Variants in DNMT3B observed in about 807,000 individuals in gnomAD.
The protein encoded by DNMT3B is DNA (cytosine-5)-methyltransferase 3B.
In DNMT3B, 37 loss-of-function variants were observed where a neutral mutation model predicts 120.2. That is an observed-to-expected ratio of 0.31 (90% CI 0.24 to 0.40). The LOEUF is 0.40. Among genes scored for constraint, DNMT3B ranks in the 10% least tolerant of loss-of-function variants. DNMT3B has a pLI of 1.00. For synonymous variants in DNMT3B, 412 were observed against 442.8 expected (o/e 0.93, Z 0.87); for missense variants, 878 against 1,137.3 (o/e 0.77, Z 3.28).
chr20:32,780,902 C>G (rs1360828184), intron 2 of DNMT3B, among the ~76,000 whole-genome samples: 2 of 152,222 alleles, frequency 1.3e-5, no homozygotes, highest in East Asian at 3.8e-4. Context: ...GGTTGGAAAG[C>G]CCTGCATTGT....
chr20:32,777,832 T>A (rs1988142553), intron 1 of DNMT3B, among the ~76,000 whole-genome samples: 1 of 152,206 alleles, frequency 6.6e-6, no homozygotes, highest in African/African-American at 2.4e-5. Flanking sequence ...GAAAAAGGGC[T>A]GAGAAGCAGC....
Position 32,778,942 on chromosome 20 carries a change from A to AGATGGATG in DNMT3B, c.-6-1345_-6-1338dup, listed in dbSNP as rs3080493. ...CCAAGTGAGACCCTGTCTCTAAGAT[A>AGATGGATG]GATGGATGGATGGATGGATGGATGG... On this transcript the variant is annotated intron_variant, in intron 1 of 22. Transcript: ENST00000328111. Among the ~76,000 whole-genome samples the AGATGGATG allele has an allele frequency of 3.5e-3, 526 of 150,532 alleles. 1 individual carries two copies. Among genetic ancestry groups the AGATGGATG allele is most frequent in the Middle Eastern group, 6.9e-3 (2 of 290 alleles).
At position 32,806,191 on chromosome 20, in the gene DNMT3B, T is replaced by G; in HGVS notation, c.2302-18T>G. 1 of 1,611,370 alleles carries G rather than the reference T, an allele frequency of 6.2e-7. No homozygotes were observed. Among genetic ancestry groups the G allele is most frequent in the Non-Finnish European group, 8.5e-7 (1 of 1,177,448 alleles). ...CCTTCATTCTGTGCTCACTCCATGATGTCATTTTGTTCTCCAGTTAAAGAA... is the reference window on the plus strand; with the variant it reads ...CCTTCATTCTGTGCTCACTCCATGAGGTCATTTTGTTCTCCAGTTAAAGAA... On this transcript the variant is annotated intron_variant, in intron 21 of 22. Coordinates refer to ENST00000328111, the MANE Select transcript of DNMT3B (RefSeq NM_006892.4).
chr20:32,765,950 G>A lies in DNMT3B; in HGVS notation c.-7+3251G>A, dbSNP rs553589612. On this transcript the variant is annotated intron_variant, in intron 1 of 22. Transcript: ENST00000328111. ...TTTTTTGTATTTTTAGTAGAGACGGGGTTTCACCGTGTTCGCCAGGATGGT... is the reference window on the plus strand; with the variant it reads ...TTTTTTGTATTTTTAGTAGAGACGGAGTTTCACCGTGTTCGCCAGGATGGT... Among the ~76,000 whole-genome samples the A allele has an allele frequency of 4.6e-3, 696 of 151,516 alleles. 8 individuals carry two copies. Among genetic ancestry groups the A allele is most frequent in the African/African-American group, 0.015 (606 of 41,306 alleles).
chr20:32,790,953 C>T (rs1568844467), intron 7 of DNMT3B, among the ~76,000 whole-genome samples: 1 of 152,188 alleles, frequency 6.6e-6, no homozygotes, highest in Non-Finnish European at 1.5e-5. Context: ...TGAGCCACTA[C>T]GTCTGGCCTT....
chr20:32,778,670 G>A (rs769906591), intron 1 of DNMT3B, among the ~76,000 whole-genome samples: 8 of 152,244 alleles, frequency 5.3e-5, no homozygotes, highest in Admixed American at 1.3e-4. Flanking sequence ...CGCCAGTGCA[G>A]CTTGGAGCCC....
intron 7 of DNMT3B, among the ~76,000 whole-genome samples, chr20:32,789,568 T>C (rs1418112854): frequency 6.6e-6 from 1 of 152,174 alleles, no homozygotes; most frequent in Non-Finnish European, 1.5e-5. Flanking sequence ...CTAGGCTGTT[T>C]TGATTCTTAC....
chr20:32,786,829 ACT>A (rs1199008083), intron 5 of DNMT3B, among the ~76,000 whole-genome samples: 5 of 152,104 alleles, frequency 3.3e-5, no homozygotes, highest in Admixed American at 6.5e-5. Context: ...CTCAGATGAC[ACT>A]CTGTTGGGAA....
chr20:32,807,939 C>A lies in DNMT3B; in HGVS notation c.*36C>A, dbSNP rs1327237864. 1 of 1,613,950 alleles carries A rather than the reference C, an allele frequency of 6.2e-7. No individual in the cohort carries two copies. Among genetic ancestry groups the A allele is most frequent in the East Asian group, 2.2e-5 (1 of 44,878 alleles). On this transcript the variant is annotated 3_prime_UTR_variant, in exon 23 of 23. Coordinates refer to ENST00000328111, the MANE Select transcript of DNMT3B (RefSeq NM_006892.4). ...GCCCCAAGCCCACTGGGGTGTGTGG[C>A]AGAGCCAGGACCCAGGAGGTGTGAT...
chr20:32,783,712 C>A (rs962268174), intron 3 of DNMT3B, among the ~76,000 whole-genome samples: 1 of 151,910 alleles, frequency 6.6e-6, no homozygotes, highest in East Asian at 1.9e-4. Flanking sequence ...CTCTTGCCCA[C>A]ACGTTTCTTT....
intron 18 of DNMT3B, 47 bp downstream of exon 18, chr20:32,800,972 G>C: frequency 6.2e-7 from 1 of 1,605,610 alleles, no homozygotes; most frequent in Non-Finnish European, 8.5e-7. Context: ...TATGTCACCT[G>C]ACCACTGGCC....
intron 7 of DNMT3B, among the ~76,000 whole-genome samples, chr20:32,791,198 A>G (rs1979933675): frequency 1.3e-5 from 2 of 152,224 alleles, no homozygotes; most frequent in African/African-American, 4.8e-5. Context: ...AACAATTATC[A>G]TGCTTAGGAA....
chr20:32,806,664 G>A (rs1601142836), intron 22 of DNMT3B, among the ~76,000 whole-genome samples: 1 of 152,202 alleles, frequency 6.6e-6, no homozygotes, highest in Non-Finnish European at 1.5e-5. Flanking sequence ...CATTCTTGAA[G>A]ACTTCAGTTT....
Position 32,779,496 on chromosome 20 carries a change from C to A in DNMT3B, c.-6-822C>A, listed in dbSNP as rs562350440. On this transcript the variant is annotated intron_variant, in intron 1 of 22. Transcript: ENST00000328111. ...CAATGGGCCAGCCCAGAGGTTATAG[C>A]CTGCCAACCCATCCGTATGGCCCTG... 7.9e-5 allele frequency among the ~76,000 whole-genome samples: 12 copies of A among 152,380 alleles called. No homozygotes were observed. In the South Asian group the frequency reaches 2.5e-3, roughly 32 times the overall value.
intron 4 of DNMT3B, 93 bp downstream of exon 4, chr20:32,784,952 A>G: frequency 2.5e-6 from 3 of 1,219,184 alleles, no homozygotes; most frequent in Non-Finnish European, 3.6e-6. Context: ...TCCTTAGGGG[A>G]GCTTTTAAGA....
At chr20:32,804,341 T>A (rs1981715438) in intron 20 of DNMT3B, among the ~76,000 whole-genome samples, 1 of 152,058 alleles carries the variant, frequency 6.6e-6, no homozygotes, top group Non-Finnish European at 1.5e-5. Flanking sequence ...GGCCCTCAGC[T>A]CCCCTGGGTC....
At chr20:32,784,648 G>A in intron 3 of DNMT3B, 110 bp from the exon 4 acceptor site, 2 of 1,186,672 alleles carry the variant, frequency 1.7e-6, no homozygotes, top group Non-Finnish European at 2.5e-6. Context: ...GAGTGACCCG[G>A]TCTCCCTGCC....
At chr20:32,773,209 C>T (rs751473423) in intron 1 of DNMT3B, among the ~76,000 whole-genome samples, 8 of 151,760 alleles carry the variant, frequency 5.3e-5, no homozygotes, top group East Asian at 1.9e-4. Flanking sequence ...CGGGTTCAAG[C>T]GATTCTCCTG....
intron 4 of DNMT3B, 29 bp from the exon 5 acceptor site, chr20:32,786,473 G>C (rs890236607): frequency 2.5e-6 from 4 of 1,613,744 alleles, no homozygotes; most frequent in South Asian, 2.2e-5. Context: ...GTCACCTAAG[G>C]CCCAGTGAGT....
Sources: gnomAD v4.1 joint callset for allele counts (sites outside exome capture counted in the v4.1 genomes callset) on GRCh38, gnomAD v4.1.1 for gene constraint, MANE v1.5 for transcripts, NCBI Gene and HGNC (gene_info 2026-07-23, HGNC 2026-07-21) for gene names.